Variants in UBE2E2 observed in about 807,000 individuals in gnomAD.
UBE2E2 encodes ubiquitin-conjugating enzyme E2 E2.
A neutral mutation model predicts 24.7 loss-of-function variants in UBE2E2; 6 were observed. The ratio of observed to expected loss-of-function variants is 0.24; its 90% CI spans 0.13 to 0.48. The LOEUF is 0.48. Ranked by LOEUF, UBE2E2 falls within the 20% of genes least tolerant of loss-of-function variation. The pLI, the probability that UBE2E2 is intolerant of heterozygous loss-of-function variation, is 0.99. For missense variants in UBE2E2, 169 were observed against 245.0 expected, an observed-to-expected ratio of 0.69 and a Z score of 2.07; for synonymous variants, 104 against 83.6, an observed-to-expected ratio of 1.24 and a Z score of -1.33.
intron 3 of UBE2E2, among the ~76,000 whole-genome samples, chr3:23,310,974 A>G (rs1003427375): frequency 2.0e-5 from 3 of 152,084 alleles, no homozygotes; most frequent in African/African-American, 4.8e-5. Context: ...TGTCATTTAC[A>G]TTAGGTATAT....
intron 3 of UBE2E2, among the ~76,000 whole-genome samples, chr3:23,245,100 A>G (rs1486100332): frequency 6.6e-6 from 1 of 152,148 alleles, no homozygotes. Context: ...AATGTCATTA[A>G]CCAATATTTT....
In UBE2E2 at chr3:23,583,428, A is replaced by G. The variant is rs757614768; in HGVS notation, c.509-6306A>G. Among the ~76,000 whole-genome samples, 7 of 152,082 alleles carry G rather than the reference A, an allele frequency of 4.6e-5. No homozygotes were observed. Among genetic ancestry groups the G allele is most frequent in the Non-Finnish European group, 8.8e-5 (6 of 68,014 alleles). ...GCTATTCAGGCCCTTTTTTGGTTCC[A>G]TATGAATTTTAAAATAGTTTTTTCT... On this transcript the variant is annotated intron_variant, in intron 5 of 5. Coordinates refer to ENST00000396703, the MANE Select transcript of UBE2E2 (RefSeq NM_152653.4). The surrounding 1 kb of genome is among the most constrained non-coding windows in gnomAD (Gnocchi z 4.1).
chr3:23,254,511 C>G (rs899827292), intron 3 of UBE2E2, among the ~76,000 whole-genome samples: 4 of 152,188 alleles, frequency 2.6e-5, no homozygotes, highest in Non-Finnish European at 5.9e-5. Flanking sequence ...CCTGTGTTCT[C>G]AAGGGACATG....
At chr3:23,235,890 G>A (rs1697090680) in intron 3 of UBE2E2, among the ~76,000 whole-genome samples, 1 of 152,182 alleles carries the variant, frequency 6.6e-6, no homozygotes, top group Non-Finnish European at 1.5e-5. Flanking sequence ...ACATCCAAAT[G>A]GAGATGTCAA....
At chr3:23,571,461 T>C (rs1696229148) in intron 5 of UBE2E2, among the ~76,000 whole-genome samples, 1 of 151,442 alleles carries the variant, frequency 6.6e-6, no homozygotes, top group Non-Finnish European at 1.5e-5. Context: ...GGCTAATTTT[T>C]GTATTTTTAG....
At chr3:23,509,606 C>T (rs1048857899) in intron 4 of UBE2E2, among the ~76,000 whole-genome samples, 3 of 151,582 alleles carry the variant, frequency 2.0e-5, no homozygotes, top group African/African-American at 7.3e-5. Context: ...ACTTGAAGTT[C>T]TAGGGTACAT....
chr3:23,260,070 C>A (rs1697855111), intron 3 of UBE2E2, among the ~76,000 whole-genome samples: 1 of 152,186 alleles, frequency 6.6e-6, no homozygotes, highest in Non-Finnish European at 1.5e-5. Flanking sequence ...TGATTCATCA[C>A]AATGGTGTCC....
chr3:23,205,816 C>T (rs1488366998), intron 1 of UBE2E2, among the ~76,000 whole-genome samples: 1 of 151,952 alleles, frequency 6.6e-6, no homozygotes, highest in Non-Finnish European at 1.5e-5. Flanking sequence ...TTTAATCTTC[C>T]TCTAATATTC....
rs187755265 is a variant in UBE2E2 at position 23,556,936 on chromosome 3, T to C, written c.508+24235T>C. 7.2e-5 allele frequency among the ~76,000 whole-genome samples: 11 copies of C among 152,322 alleles called. No individual in the cohort carries two copies. The East Asian group carries it at 1.9e-3, about 27-fold the overall frequency. On this transcript the variant is annotated intron_variant, in intron 5 of 5. Transcript: ENST00000396703. ...ATTTAACATTGTCAGTAGGTTCTTA[T>C]AATGAGACCAGTTTTACCATAGGCT...
At chr3:23,391,610 C>G (rs975306743) in intron 3 of UBE2E2, among the ~76,000 whole-genome samples, 1 of 152,122 alleles carries the variant, frequency 6.6e-6, no homozygotes, top group African/African-American at 2.4e-5. Flanking sequence ...AAATTACATT[C>G]AGGTATTTCT....
chr3:23,266,908 A>C (rs1698064292), intron 3 of UBE2E2, among the ~76,000 whole-genome samples: 2 of 152,210 alleles, frequency 1.3e-5, no homozygotes, highest in African/African-American at 4.8e-5. Context: ...ACTCACTCAA[A>C]ACCATGCAAC....
intron 2 of UBE2E2, among the ~76,000 whole-genome samples, chr3:23,212,606 G>T (rs1196684955): frequency 2.6e-5 from 2 of 75,936 alleles, no homozygotes; most frequent in African/African-American, 1.7e-4. Flanking sequence ...TATGGTTTTT[G>T]GTTTCAGACT....
intron 3 of UBE2E2, among the ~76,000 whole-genome samples, chr3:23,492,172 C>T (rs1199522578): frequency 3.3e-5 from 5 of 152,120 alleles, no homozygotes; most frequent in Non-Finnish European, 5.9e-5. Flanking sequence ...AGAGAAACAC[C>T]TTCATTATTG....
intron 3 of UBE2E2, chr3:23,389,670 G>T: frequency 3.8e-6 from 1 of 262,124 alleles, no homozygotes. Flanking sequence ...ACTAGTCGTG[G>T]CTGGCTTTGA....
At chr3:23,276,171 AT>A (rs371718312) in intron 3 of UBE2E2, among the ~76,000 whole-genome samples, 4 of 152,238 alleles carry the variant, frequency 2.6e-5, no homozygotes, top group South Asian at 2.1e-4. Flanking sequence ...ATTTTCCATT[AT>A]TCATTTCCTT....
chr3:23,567,644 A>T (rs957100473), intron 5 of UBE2E2, among the ~76,000 whole-genome samples: 60 of 152,212 alleles, frequency 3.9e-4, no homozygotes, highest in African/African-American at 1.4e-3. Flanking sequence ...TTAAAGAGTC[A>T]GTGATCCTAT....
At chr3:23,504,652 G>A (rs778585743) in intron 4 of UBE2E2, among the ~76,000 whole-genome samples, 38 of 152,028 alleles carry the variant, frequency 2.5e-4, no homozygotes, top group Non-Finnish European at 4.9e-4. Context: ...TCTTATGGTT[G>A]CATTAATTTA....
At chr3:23,399,580 G>A (rs1034807993) in intron 3 of UBE2E2, among the ~76,000 whole-genome samples, 1 of 152,120 alleles carries the variant, frequency 6.6e-6, no homozygotes, top group South Asian at 2.1e-4. Flanking sequence ...ATTAGTATAT[G>A]AACTGTTTAT....
chr3:23,564,008 AGAAG>A (rs1257737979), intron 5 of UBE2E2, among the ~76,000 whole-genome samples: 1 of 150,540 alleles, frequency 6.6e-6, no homozygotes, highest in Non-Finnish European at 1.5e-5. Flanking sequence ...GAAAAGAGAA[AGAAG>A]GAAGGAAGGA....
Sources: allele counts gnomAD v4.1 joint callset (sites outside exome capture counted in the v4.1 genomes callset), GRCh38; gene constraint gnomAD v4.1.1; non-coding constraint Gnocchi (gnomAD v3.1); transcripts MANE v1.5; gene names NCBI Gene and HGNC (gene_info 2026-07-23, HGNC 2026-07-21).